The following USH2A variants were observed in gnomAD, a reference collection of about 807,000 sequenced individuals.
The protein encoded by USH2A is Usher syndrome 2A (autosomal recessive, mild).
A neutral mutation model predicts 538.9 loss-of-function variants in USH2A; 443 were observed. The observed-to-expected ratio is 0.82, with a 90% CI of 0.76 to 0.89. USH2A has a LOEUF of 0.89. Ranked by LOEUF, USH2A falls within the 40% of genes least tolerant of loss-of-function variation. The pLI is 0.00. For missense variants in USH2A, 6,633 were observed against 6,324.8 expected, an observed-to-expected ratio of 1.05 and a Z score of -1.65; for synonymous variants, 2,413 against 2,273.5, an observed-to-expected ratio of 1.06 and a Z score of -1.75.
At chr1:216,078,945 G>T (rs1409478988) in intron 26 of USH2A, 1 of 152,238 alleles carries the variant, frequency 6.6e-6, no homozygotes, top group African/African-American at 2.4e-5. Context: ...TATTCTATTA[G>T]ATGACTGTAC....
chr1:215,794,426 A>G (rs1046823256), intron 50 of USH2A, among the ~76,000 whole-genome samples: 1 of 152,204 alleles, frequency 6.6e-6, no homozygotes, highest in Admixed American at 6.5e-5. Context: ...CGATATTATG[A>G]GATCCAAACA....
At chr1:216,121,173 T>C (rs1184584525) in intron 21 of USH2A, among the ~76,000 whole-genome samples, 2 of 152,200 alleles carry the variant, frequency 1.3e-5, no homozygotes, top group Non-Finnish European at 2.9e-5. Context: ...ATGTGTAATG[T>C]ATTGGTCAAA....
chr1:215,858,932 G>A (rs987426268), intron 44 of USH2A, among the ~76,000 whole-genome samples: 7 of 152,080 alleles, frequency 4.6e-5, no homozygotes, highest in South Asian at 4.1e-4. Flanking sequence ...CTAGAGGTTC[G>A]TGATCAAGGC....
chr1:216,324,601 A>T (rs2037692757), intron 6 of USH2A, among the ~76,000 whole-genome samples: 1 of 152,174 alleles, frequency 6.6e-6, no homozygotes, highest in Non-Finnish European at 1.5e-5. Context: ...AACAAAGAAC[A>T]TTACTTCTAT....
intron 5 of USH2A, among the ~76,000 whole-genome samples, chr1:216,326,891 A>G (rs1292816769): frequency 6.6e-6 from 1 of 152,198 alleles, no homozygotes; most frequent in Non-Finnish European, 1.5e-5. Flanking sequence ...CATCCATACA[A>G]CAATATACTA....
At position 216,072,894 on chromosome 1, in the gene USH2A, C is replaced by T; in HGVS notation, c.5852G>A (p.Gly1951Glu). ...ATTTGAAGATAAGTATTTACCTGCT[C>T]CTGTTGTACGTCCTCGACTCCAATC... ...YSDWSRGRTT[G>E]AAPQSVPTPS... Residue 1951 changes from glycine (G) to glutamate (E), a missense_variant, in exon 29 of 72, where the codon GGA (glycine) becomes GAA (glutamate). Transcript: ENST00000307340. 1.9e-6 allele frequency: 3 copies of T among 1,613,708 alleles called. No homozygotes were observed. The highest frequency in any genetic ancestry group is 1.1e-5 in the South Asian group (1 of 91,074).
rs1655894566 is a variant in USH2A, at chr1:215,623,804, A to G, written c.*1977T>C. On this transcript the variant is annotated 3_prime_UTR_variant, in exon 72 of 72. Transcript: ENST00000307340. Reference sequence around the variant, plus strand: ...GTGCTTGGAAAAATACACAGTGATAAAGATACCTGGTTAATTTTTCAAAAA... The same window carrying G: ...GTGCTTGGAAAAATACACAGTGATAGAGATACCTGGTTAATTTTTCAAAAA... The G allele has an allele frequency of 6.6e-6, 1 of 152,186 alleles. No homozygotes were observed. The highest frequency in any genetic ancestry group is 2.4e-5 in the African/African-American group (1 of 41,456). 9.4% of individuals were successfully genotyped at this position (152,186 alleles called of 1,614,324 possible).
chr1:215,994,467 C>T (rs1668087820), intron 34 of USH2A, among the ~76,000 whole-genome samples: 1 of 152,026 alleles, frequency 6.6e-6, no homozygotes, highest in African/African-American at 2.4e-5. Flanking sequence ...TAAGCATAAA[C>T]AACAGTTTAT....
chr1:215,661,934 G>T (rs533286854), intron 64 of USH2A, among the ~76,000 whole-genome samples: 2 of 152,028 alleles, frequency 1.3e-5, no homozygotes, highest in African/African-American at 2.4e-5. Context: ...AAACATCAAC[G>T]TTCCTAGCCA....
At chr1:216,083,412 G>T in intron 26 of USH2A, 44 bp downstream of exon 26, 2 of 1,587,160 alleles carry the variant, frequency 1.3e-6, no homozygotes, top group South Asian at 1.1e-5. Flanking sequence ...TTTAAAGTTG[G>T]GTCCTATATT....
intron 35 of USH2A, among the ~76,000 whole-genome samples, chr1:215,978,139 T>A (rs1445793945): frequency 6.6e-6 from 1 of 152,058 alleles, no homozygotes; most frequent in African/African-American, 2.4e-5. Flanking sequence ...AAAAGAAAAT[T>A]AAAATGTTCT....
intron 44 of USH2A, among the ~76,000 whole-genome samples, chr1:215,855,129 G>A (rs1454801319): frequency 6.6e-6 from 1 of 152,046 alleles, no homozygotes; most frequent in Non-Finnish European, 1.5e-5. Context: ...CCTAGCCAAA[G>A]CAATCAGACA....
intron 11 of USH2A, among the ~76,000 whole-genome samples, chr1:216,270,331 T>G (rs563454378): frequency 6.6e-6 from 1 of 152,142 alleles, no homozygotes; most frequent in Admixed American, 6.6e-5. Context: ...AAATTGAGTG[T>G]TAGTTTAAGT....
At chr1:216,176,889 A>G (rs1359891393) in intron 20 of USH2A, among the ~76,000 whole-genome samples, 1 of 152,190 alleles carries the variant, frequency 6.6e-6, no homozygotes, top group Non-Finnish European at 1.5e-5. Context: ...ATTTAATGCT[A>G]AATAATATTC....
intron 20 of USH2A, among the ~76,000 whole-genome samples, chr1:216,177,066 T>C (rs1034183161): frequency 3.9e-5 from 6 of 152,174 alleles, no homozygotes; most frequent in Non-Finnish European, 8.8e-5. Context: ...TTTAACTCCG[T>C]TGAGTAAATA....
intron 32 of USH2A, among the ~76,000 whole-genome samples, chr1:216,002,573 T>G (rs2102484895): frequency 6.6e-6 from 1 of 152,266 alleles, no homozygotes; most frequent in African/African-American, 2.4e-5. Context: ...CAGCCAGAAA[T>G]TATATTCCAT....
At chr1:216,230,898 T>TCTCTCA (rs1339437378) in intron 14 of USH2A, among the ~76,000 whole-genome samples, 5 of 146,846 alleles carry the variant, frequency 3.4e-5, no homozygotes, top group Non-Finnish European at 3.0e-5. Flanking sequence ...TCTCTCTCTC[T>TCTCTCA]CACACACACA....
intron 37 of USH2A, among the ~76,000 whole-genome samples, chr1:215,942,154 G>A (rs1350164432): frequency 2.0e-5 from 3 of 152,062 alleles, no homozygotes; most frequent in Non-Finnish European, 4.4e-5. Flanking sequence ...GTAGGCTGTC[G>A]AGACTGAGGG....
intron 6 of USH2A, among the ~76,000 whole-genome samples, chr1:216,324,798 C>G (rs2037696401): frequency 6.6e-6 from 1 of 152,052 alleles, no homozygotes; most frequent in African/African-American, 2.4e-5. Context: ...TAATACACTA[C>G]TTTATTGAGG....
Sources: allele counts gnomAD v4.1 joint callset (sites outside exome capture counted in the v4.1 genomes callset), GRCh38; gene constraint gnomAD v4.1.1; transcripts MANE v1.5; gene names NCBI Gene and HGNC (gene_info 2026-07-23, HGNC 2026-07-21).